Variants in RGMB observed in about 807,000 individuals in gnomAD.
RGMB encodes the protein repulsive guidance molecule BMP co-receptor b, also known as repulsive guidance molecule B.
In RGMB, 16 loss-of-function variants were observed where a neutral mutation model predicts 26.9. That is an observed-to-expected ratio of 0.60 (90% CI 0.40 to 0.90). The LOEUF is 0.90. Ranked by LOEUF, RGMB falls within the 40% of genes least tolerant of loss-of-function variation. RGMB has a pLI of 0.00. For missense variants in RGMB, 512 were observed against 573.3 expected (o/e 0.89, Z 1.09); for synonymous variants, 225 against 229.3 (o/e 0.98, Z 0.17).
intron 2 of RGMB, among the ~76,000 whole-genome samples, chr5:98,792,113 G>T (rs1288074115): frequency 6.6e-6 from 1 of 152,128 alleles, no homozygotes; most frequent in Non-Finnish European, 1.5e-5. Context: ...CCTGTCGCAG[G>T]GATTAGCCAG....
chr5:98,773,682 C>G lies in RGMB; in HGVS notation c.-389C>G, dbSNP rs138446060. ...TGCCGCGCAGAGATATCCGGGCCGC[C>G]GGTGGGTGGTCGCTAGGGCTGGGCC... On this transcript the variant is annotated 5_prime_UTR_variant, in exon 1 of 3. Transcript: ENST00000513185. The G allele has an allele frequency of 0.053, 19,147 of 360,220 alleles. 583 individuals carry two copies. The highest frequency in any genetic ancestry group is 0.064 in the African/African-American group (3,044 of 47,264). The allele number at this position is 360,220 out of a possible 1,614,324, so 22.3% of individuals were successfully genotyped here. A position where few individuals can be genotyped will look rare whatever the true frequency, so the allele number is the denominator to read the frequency against.
chr5:98,786,075 A>G (rs1389870677), intron 2 of RGMB, among the ~76,000 whole-genome samples: 1 of 152,208 alleles, frequency 6.6e-6, no homozygotes, highest in African/African-American at 2.4e-5. Context: ...TAAATGAGCT[A>G]CCTGTTTATT....
chr5:98,789,761 C>A (rs1051958981), intron 2 of RGMB, among the ~76,000 whole-genome samples: 3 of 152,020 alleles, frequency 2.0e-5, no homozygotes, highest in Non-Finnish European at 4.4e-5. Flanking sequence ...ACAGAAATGC[C>A]ATCTATCAAT....
rs769249056 is a variant in RGMB, at chr5:98,793,435, C to T, written c.996C>T (p.Ile332=). 1 of 1,612,306 alleles carries T rather than the reference C, an allele frequency of 6.2e-7. No homozygotes were observed. Among genetic ancestry groups the T allele is most frequent in the Admixed American group, 1.7e-5 (1 of 59,756 alleles). The stretch of plus-strand genomic sequence containing the variant: ...ACGGGCAGGGCCAGGTGTCTGCCAT[C>T]CTGGGACACAGCCTGCCTCGCACCT... The part of the protein sequence containing the change: ...IDDGQGQVSA[I]LGHSLPRTSL... Residue 332 remains isoleucine, a synonymous_variant, in exon 3 of 3, where the codon ATC becomes ATT. Transcript: ENST00000513185.
rs1163779054 is a variant in RGMB at position 98,796,099 on chromosome 5, A to G, written c.*2346A>G. 1 of 152,224 alleles carries G rather than the reference A, an allele frequency of 6.6e-6. No homozygotes were observed. Among genetic ancestry groups the G allele is most frequent in the Non-Finnish European group, 1.5e-5 (1 of 68,034 alleles). 9.4% of individuals were successfully genotyped at this position (152,224 alleles called of 1,614,324 possible). On this transcript the variant is annotated 3_prime_UTR_variant, in exon 3 of 3. Coordinates refer to ENST00000513185, the MANE Select transcript of RGMB (RefSeq NM_001366508.1). The stretch of plus-strand genomic sequence containing the variant: ...AGATGTATTTCTCTACGTAAGGGCC[A>G]GGTTTATTTTCTCCTTTTTTGAGAT...
intron 2 of RGMB, among the ~76,000 whole-genome samples, chr5:98,787,821 T>A (rs1746809671): frequency 6.6e-6 from 1 of 152,228 alleles, no homozygotes; most frequent in Non-Finnish European, 1.5e-5. Context: ...GGAAGCAGCA[T>A]TTTTGTGCCT....
At position 98,794,096 on chromosome 5, in the gene RGMB, T is replaced by C. The variant is rs1267015380; in HGVS notation, c.*343T>C. ...TAGTACATATACACAGACATCCATATGCAGCGTTTCCTTTGAAGGTGACCA... is the reference window on the plus strand; with the variant it reads ...TAGTACATATACACAGACATCCATACGCAGCGTTTCCTTTGAAGGTGACCA... On this transcript the variant is annotated 3_prime_UTR_variant, in exon 3 of 3. Coordinates refer to ENST00000513185, the MANE Select transcript of RGMB (RefSeq NM_001366508.1). The C allele has an allele frequency of 6.1e-6, 1 of 163,950 alleles. No homozygotes were observed. Among genetic ancestry groups the C allele is most frequent in the African/African-American group, 2.4e-5 (1 of 41,748 alleles). The allele number at this position is 163,950 out of a possible 1,614,324, so 10.2% of individuals were successfully genotyped here.
At chr5:98,783,871 T>A (rs1156593107) in intron 2 of RGMB, among the ~76,000 whole-genome samples, 1 of 152,228 alleles carries the variant, frequency 6.6e-6, no homozygotes, top group African/African-American at 2.4e-5. Context: ...ATTATTTTTG[T>A]ACAAGTAGTT....
At chr5:98,775,663 C>T (rs1050494603) in intron 1 of RGMB, among the ~76,000 whole-genome samples, 3 of 152,088 alleles carry the variant, frequency 2.0e-5, no homozygotes, top group African/African-American at 7.2e-5. Flanking sequence ...GGAATGTGGT[C>T]CCTGAAGGTT....
At chr5:98,787,754 C>G (rs959113855) in intron 2 of RGMB, among the ~76,000 whole-genome samples, 1 of 152,218 alleles carries the variant, frequency 6.6e-6, no homozygotes, top group Non-Finnish European at 1.5e-5. Flanking sequence ...TTGCCTGTCT[C>G]TGTGGCTATT....
In RGMB at chr5:98,774,158, C is replaced by G. The variant is rs1323266258; in HGVS notation, c.88C>G (p.Leu30Val). The G allele has an allele frequency of 1.3e-6, 2 of 1,499,626 alleles. No homozygotes were observed. Among genetic ancestry groups the G allele is most frequent in the East Asian group, 5.5e-5 (2 of 36,482 alleles). 92.9% of individuals were successfully genotyped at this position (1,499,626 alleles called of 1,614,324 possible). The change falls in exon 1 of 3, where the codon CTG becomes GTG. Residue 30 changes from leucine (L) to valine (V), a missense_variant. Physicochemically the swap from Leu to Val is conservative, Grantham distance 32. Transcript: ENST00000513185. ...CAGCCCCGGGCTCTGCCCCCCGCCG[C>G]TGGAGCTGCTGCTGCTGCTGCTGTT... ...RRSPGLCPPP[L>V]ELLLLLLFSL...
Position 98,774,074 on chromosome 5 carries a change from G to A in RGMB, c.4G>A (p.Gly2Ser). 1 of 1,032,408 alleles carries A rather than the reference G, an allele frequency of 9.7e-7. No homozygotes were observed. Among genetic ancestry groups the A allele is most frequent in the Non-Finnish European group, 1.4e-6 (1 of 699,460 alleles). The allele number at this position is 1,032,408 out of a possible 1,614,324, so 64.0% of individuals were successfully genotyped here. A position where few individuals can be genotyped will look rare whatever the true frequency, so the allele number is the denominator to read the frequency against. Residue 2 changes from glycine (G) to serine (S), a missense_variant, in exon 1 of 3, where the codon GGC becomes AGC. By Grantham distance (56) the Gly-to-Ser change is moderately conservative. Coordinates refer to ENST00000513185, the MANE Select transcript of RGMB (RefSeq NM_001366508.1). The part of the protein sequence containing the change: M[G>S]LRAAPSSAAA... ...CACGAGACCTGCATGGACGGGCATGGGCTTGAGAGCAGCACCTTCCAGCGC... is the reference window on the plus strand; with the variant it reads ...CACGAGACCTGCATGGACGGGCATGAGCTTGAGAGCAGCACCTTCCAGCGC...
At chr5:98,772,536 T>C (rs1746200068), upstream of RGMB, 1 of 152,164 alleles carries the variant, frequency 6.6e-6, no homozygotes, top group Non-Finnish European at 1.5e-5. Context: ...CCCTGTGCTG[T>C]TTGGGGAAAG....
rs1747086662 is a variant in RGMB, at chr5:98,795,420, G to GAC, written c.*1668_*1669dup. The GAC allele has an allele frequency of 6.6e-6, 1 of 152,228 alleles. No individual in the cohort carries two copies. The highest frequency in any genetic ancestry group is 1.5e-5 in the Non-Finnish European group (1 of 68,052). 9.4% of individuals were successfully genotyped at this position (152,228 alleles called of 1,614,324 possible). Reference sequence around the variant, plus strand: ...AGGCCCATACCGGCAAGAGGAAGAGGACGTCATTTTGTAAAGTTTAACTTC... The same window carrying GAC: ...AGGCCCATACCGGCAAGAGGAAGAGGACACGTCATTTTGTAAAGTTTAACTTC... On this transcript the variant is annotated 3_prime_UTR_variant, in exon 3 of 3. Transcript: ENST00000513185.
Position 98,774,088 on chromosome 5 carries a change from A to T in RGMB, c.18A>T (p.Ala6=). 8.8e-7 allele frequency: 1 copy of T among 1,134,986 alleles called. No homozygotes were observed. The highest frequency in any genetic ancestry group is 1.3e-6 in the Non-Finnish European group (1 of 794,000). 70.3% of individuals were successfully genotyped at this position (1,134,986 alleles called of 1,614,324 possible). The change falls in exon 1 of 3, where the codon GCA becomes GCT. Residue 6 remains alanine (A), a synonymous_variant. Coordinates refer to ENST00000513185, the MANE Select transcript of RGMB (RefSeq NM_001366508.1). ...GGACGGGCATGGGCTTGAGAGCAGC[A>T]CCTTCCAGCGCCGCCGCTGCCGCCG... The part of the protein sequence containing the change: MGLRA[A]PSSAAAAAAE...
rs946248997 is a variant in RGMB at position 98,793,950 on chromosome 5, T to A, written c.*197T>A. ...TATGTTGGATGTAGTGTTCTTTGAT[T>A]GTATCAATTTTGTTTTGCAGTTCTG... On this transcript the variant is annotated 3_prime_UTR_variant, in exon 3 of 3. Transcript: ENST00000513185. The A allele has an allele frequency of 2.0e-6, 1 of 502,940 alleles. No homozygotes were observed. Among genetic ancestry groups the A allele is most frequent in the African/African-American group, 2.0e-5 (1 of 51,210 alleles). The allele number at this position is 502,940 out of a possible 1,614,324, so 31.2% of individuals were successfully genotyped here.
rs1746984067 is a variant in RGMB, at chr5:98,793,083, A to C, written c.646-2A>C. 6.3e-7 allele frequency: 1 copy of C among 1,591,436 alleles called. No homozygotes were observed. On this transcript the variant is annotated splice_acceptor_variant, in intron 2 of 2. Transcript: ENST00000513185. LOFTEE classifies it high-confidence loss of function. ...AAACCTTGTACATGCTCCTTCCCAC[A>C]GATCACTATTATCTTCAAAGCCCAC...
chr5:98,788,625 C>T (rs1270879267), intron 2 of RGMB, among the ~76,000 whole-genome samples: 5 of 152,144 alleles, frequency 3.3e-5, no homozygotes, highest in Admixed American at 2.0e-4. Context: ...GTTGCCACCC[C>T]GCGTGGACAG....
chr5:98,788,828 T>G (rs1746840296), intron 2 of RGMB, among the ~76,000 whole-genome samples: 1 of 152,216 alleles, frequency 6.6e-6, no homozygotes, highest in Admixed American at 6.5e-5. Flanking sequence ...TTGGGTTTTT[T>G]AGGAATGGAG....
Sources: gnomAD v4.1 joint callset for allele counts (sites outside exome capture counted in the v4.1 genomes callset) on GRCh38, gnomAD v4.1.1 for gene constraint, MANE v1.5 for transcripts, NCBI Gene and HGNC (gene_info 2026-07-23, HGNC 2026-07-21) for gene names.